CTNNA2: variants seen among roughly 807,000 people sequenced by gnomAD.
CTNNA2 encodes the protein catenin alpha 2, also known as catenin alpha-2.
CTNNA2 carries 42 observed loss-of-function variants against 101.0 expected under a neutral mutation model. The ratio of observed to expected loss-of-function variants is 0.42; its 90% confidence interval spans 0.32 to 0.54. The LOEUF (loss-of-function observed/expected upper bound fraction) is 0.54. CTNNA2 is among the 20% of genes least tolerant of loss of function. CTNNA2 has a pLI of 0.14. For synonymous variants in CTNNA2, 450 were observed against 456.4 expected, an observed-to-expected ratio of 0.99 and a Z score of 0.18; for missense variants, 871 against 1,223.1, an observed-to-expected ratio of 0.71 and a Z score of 4.29.
intron 4 of CTNNA2, among the ~76,000 whole-genome samples, chr2:79,405,386 T>A (rs753786761): frequency 3.3e-5 from 5 of 152,058 alleles, no homozygotes; most frequent in Non-Finnish European, 4.4e-5. Context: ...AGTGGAGTGG[T>A]GTGATCTAGG....
chr2:80,636,943 T>C (rs1051350269), intron 18 of CTNNA2, among the ~76,000 whole-genome samples: 23 of 152,182 alleles, frequency 1.5e-4, no homozygotes, highest in African/African-American at 4.6e-4. Context: ...CTAGAAAAGA[T>C]ACATAAGTGT....
At chr2:79,961,206 T>G (rs1056609682) in intron 7 of CTNNA2, among the ~76,000 whole-genome samples, 3 of 152,194 alleles carry the variant, frequency 2.0e-5, no homozygotes, top group African/African-American at 7.2e-5. Context: ...AATGTGCTGT[T>G]CTGTGACAGA....
intron 1 of CTNNA2, among the ~76,000 whole-genome samples, chr2:79,593,160 A>G (rs1676970323): frequency 6.6e-6 from 1 of 152,202 alleles, no homozygotes; most frequent in Non-Finnish European, 1.5e-5. Context: ...GAACTCTCTC[A>G]AATTCATTTT....
At chr2:79,783,284 G>T (rs752961991) in intron 3 of CTNNA2, among the ~76,000 whole-genome samples, 1 of 152,106 alleles carries the variant, frequency 6.6e-6, no homozygotes, top group African/African-American at 2.4e-5. Context: ...CATGACCTTT[G>T]TGACTCAACC....
intron 7 of CTNNA2, among the ~76,000 whole-genome samples, chr2:80,069,296 G>A (rs78669110): frequency 0.012 from 1,891 of 152,124 alleles, 46 homozygotes; most frequent in East Asian, 0.082. Flanking sequence ...AATCTATTCC[G>A]GAACACCGTC....
chr2:80,597,701 G>T (rs147887725), intron 15 of CTNNA2, among the ~76,000 whole-genome samples: 1,949 of 152,222 alleles, frequency 0.013, 33 homozygotes, highest in Admixed American at 0.041. Context: ...CATTTATGTG[G>T]CCAACAAACA....
At chr2:80,139,972 A>G (rs1364192156) in intron 7 of CTNNA2, among the ~76,000 whole-genome samples, 2 of 152,220 alleles carry the variant, frequency 1.3e-5, no homozygotes, top group African/African-American at 2.4e-5. Context: ...GGGTTGAGAC[A>G]TCAGGTTACA....
intron 5 of CTNNA2, 126 bp downstream of exon 5, chr2:79,870,061 G>A: frequency 8.0e-7 from 1 of 1,249,220 alleles, no homozygotes; most frequent in Non-Finnish European, 1.1e-6. Context: ...AACCTGTGAT[G>A]ACAAAGGTTG....
intron 11 of CTNNA2, among the ~76,000 whole-genome samples, chr2:80,552,286 G>A (rs1366531175): frequency 6.6e-6 from 1 of 152,146 alleles, no homozygotes; most frequent in Non-Finnish European, 1.5e-5. Flanking sequence ...CAACAGACTT[G>A]CTTGACGCAG....
intron 3 of CTNNA2, among the ~76,000 whole-genome samples, chr2:79,843,218 T>C (rs1282419780): frequency 6.6e-6 from 1 of 152,274 alleles, no homozygotes; most frequent in Non-Finnish European, 1.5e-5. Context: ...GTTGATGTGA[T>C]GTGTGTATGC....
chr2:80,412,315 T>G (rs1439767382), intron 8 of CTNNA2, among the ~76,000 whole-genome samples: 2 of 152,204 alleles, frequency 1.3e-5, no homozygotes, highest in African/African-American at 4.8e-5. Context: ...GATCAACCCT[T>G]CCCTGTCCTA....
chr2:80,359,581 C>T (rs528869876), intron 7 of CTNNA2, among the ~76,000 whole-genome samples: 1 of 152,242 alleles, frequency 6.6e-6, no homozygotes, highest in Admixed American at 6.5e-5. Flanking sequence ...CTTCCTCCTG[C>T]TCTGGCCATG....
At chr2:79,772,432 G>A (rs1673656574) in intron 3 of CTNNA2, among the ~76,000 whole-genome samples, 1 of 152,194 alleles carries the variant, frequency 6.6e-6, no homozygotes, top group Non-Finnish European at 1.5e-5. Flanking sequence ...TGGCAAGATA[G>A]TGGTTTAATT....
chr2:80,251,669 T>C (rs1405505007), intron 7 of CTNNA2, among the ~76,000 whole-genome samples: 4 of 152,182 alleles, frequency 2.6e-5, no homozygotes, highest in Admixed American at 2.6e-4. Context: ...TGTTATTGGA[T>C]GATTGCTCAT....
intron 2 of CTNNA2, among the ~76,000 whole-genome samples, chr2:79,268,449 C>T (rs1675016273): frequency 6.6e-6 from 1 of 152,102 alleles, no homozygotes; most frequent in Non-Finnish European, 1.5e-5. Flanking sequence ...TTGTAACATT[C>T]TTTGTAGTAA....
intron 18 of CTNNA2, among the ~76,000 whole-genome samples, chr2:80,628,709 C>T (rs1330447850): frequency 2.0e-5 from 3 of 151,996 alleles, no homozygotes; most frequent in African/African-American, 7.2e-5. Context: ...TAACTCCTGC[C>T]TACAGCATAC....
intron 4 of CTNNA2, among the ~76,000 whole-genome samples, chr2:79,437,947 G>A: frequency 6.6e-6 from 1 of 152,144 alleles, no homozygotes; most frequent in African/African-American, 2.4e-5. Flanking sequence ...CAACTAGAGA[G>A]GCTATGATGG....
intron 3 of CTNNA2, among the ~76,000 whole-genome samples, chr2:79,325,552 A>T (rs1676727238): frequency 6.6e-6 from 1 of 152,196 alleles, no homozygotes; most frequent in Non-Finnish European, 1.5e-5. Context: ...TCCCAGGTAA[A>T]ATCAATCAGG....
At chr2:80,632,126 T>C (rs1284830362) in intron 18 of CTNNA2, among the ~76,000 whole-genome samples, 1 of 152,106 alleles carries the variant, frequency 6.6e-6, no homozygotes, top group Non-Finnish European at 1.5e-5. Context: ...AGACCATCCA[T>C]AATCTCCATT....
Sources: gnomAD v4.1 joint callset for allele counts (sites outside exome capture counted in the v4.1 genomes callset) on GRCh38, gnomAD v4.1.1 for gene constraint, MANE v1.5 for transcripts, NCBI Gene and HGNC (gene_info 2026-07-23, HGNC 2026-07-21) for gene names.